FAT1: variants seen among roughly 807,000 people sequenced by gnomAD.
FAT1 encodes protocadherin Fat 1.
Under a neutral mutation model 329.8 loss-of-function variants are expected in FAT1, and 171 were observed. The ratio of observed to expected loss-of-function variants is 0.52; its 90% CI spans 0.46 to 0.59. The LOEUF (loss-of-function observed/expected upper bound fraction) is 0.59, where lower values mean the gene tolerates loss of function less well. Among genes scored for constraint, FAT1 ranks in the 20% least tolerant of loss-of-function variants. The pLI, the probability that FAT1 is intolerant of heterozygous loss-of-function variation, is 0.00. For missense variants in FAT1, 5,672 were observed against 5,774.4 expected (o/e 0.98, Z 0.57); for synonymous variants, 2,233 against 2,228.6 (o/e 1.00, Z -0.06).
chr4:186,667,561 A>C (rs188332738), intron 2 of FAT1, among the ~76,000 whole-genome samples: 1 of 152,210 alleles, frequency 6.6e-6, no homozygotes, highest in Non-Finnish European at 1.5e-5. Context: ...TAAGATAAAA[A>C]ATCACTGAAT....
At chr4:186,634,829 G>A (rs572015287) in intron 6 of FAT1, among the ~76,000 whole-genome samples, 14 of 152,312 alleles carry the variant, frequency 9.2e-5, no homozygotes, top group African/African-American at 2.6e-4. Flanking sequence ...AGAAGCAAGC[G>A]CGCATGGAAA....
chr4:186,652,079 G>A (rs1237583221), intron 3 of FAT1, among the ~76,000 whole-genome samples: 1 of 152,180 alleles, frequency 6.6e-6, no homozygotes, highest in Non-Finnish European at 1.5e-5. Flanking sequence ...AAAGTCACAT[G>A]GGGAGTCATA....
At chr4:186,713,353 T>C (rs1369276487) in intron 1 of FAT1, among the ~76,000 whole-genome samples, 2 of 152,154 alleles carry the variant, frequency 1.3e-5, no homozygotes, top group African/African-American at 2.4e-5. Context: ...GTTTCTCTCC[T>C]GATTAGATTG....
intron 6 of FAT1, among the ~76,000 whole-genome samples, chr4:186,635,506 ACCCATAG>A (rs1304443702): frequency 2.0e-5 from 3 of 152,114 alleles, no homozygotes; most frequent in Admixed American, 6.5e-5. Context: ...AAAACTAAAA[ACCCATAG>A]CTGGTACCAT....
At chr4:186,706,484 A>C in intron 2 of FAT1, 79 bp downstream of exon 2, 1 of 1,443,080 alleles carries the variant, frequency 6.9e-7, no homozygotes. Flanking sequence ...ATTTTGAAGA[A>C]GCTGCCACAG....
At chr4:186,599,838 G>T in intron 22 of FAT1, 60 bp downstream of exon 22, 2 of 1,276,682 alleles carry the variant, frequency 1.6e-6, no homozygotes, top group Non-Finnish European at 2.2e-6. Context: ...TACCTGGGGA[G>T]CTTCCCCTTA....
intron 2 of FAT1, among the ~76,000 whole-genome samples, chr4:186,683,168 AG>A (rs1743304024): frequency 6.6e-6 from 1 of 152,174 alleles, no homozygotes; most frequent in African/African-American, 2.4e-5. Flanking sequence ...CTTGTCATTC[AG>A]GTGACCACTC....
In FAT1 at chr4:186,632,468, A is replaced by G. The variant is rs187993901; in HGVS notation, c.4323+1216T>C. ...TCTCATTTTTGTGCTCTAAAATTTT[A>G]CAAGGGCTTATGTTTAAAGAGAGAA... On this transcript the variant is annotated intron_variant, in intron 7 of 26. Transcript: ENST00000441802. 2.3e-4 allele frequency among the ~76,000 whole-genome samples: 35 copies of G among 152,298 alleles called. No individual in the cohort carries two copies. The East Asian group carries it at 6.2e-3, about 27-fold the overall frequency.
chr4:186,635,291 CTAAAA>C (rs1243808770), intron 6 of FAT1, among the ~76,000 whole-genome samples: 1 of 130,630 alleles, frequency 7.7e-6, no homozygotes, highest in African/African-American at 3.2e-5. Context: ...ACCCTTGTAA[CTAAAA>C]TGTGAGGAAA....
intron 2 of FAT1, among the ~76,000 whole-genome samples, chr4:186,679,687 T>C (rs1743124644): frequency 6.6e-6 from 1 of 151,988 alleles, no homozygotes; most frequent in East Asian, 1.9e-4. Context: ...CAGTATCAGA[T>C]ATATGGGTTC....
In FAT1 at chr4:186,613,274, T is replaced by C. The variant is rs201597725; in HGVS notation, c.9298A>G (p.Thr3100Ala). Residue 3100 changes from threonine to alanine, a missense_variant, in exon 13 of 27, where the codon ACA becomes GCA. By Grantham distance (58) the Thr-to-Ala change is moderately conservative. Transcript: ENST00000441802. The stretch of plus-strand genomic sequence containing the variant: ...TGGCAGAATCTTCCTCCTCCATCTG[T>C]GGCCCTGACGAGAAGATGATAAACA... ...QAVYHLLVRA[T>A]DGGGRFCQAS... The C allele has an allele frequency of 6.2e-7, 1 of 1,614,022 alleles. No individual in the cohort carries two copies. The highest frequency in any genetic ancestry group is 1.3e-5 in the African/African-American group (1 of 75,064).
intron 7 of FAT1, among the ~76,000 whole-genome samples, chr4:186,631,058 AC>A (rs1301651068): frequency 6.6e-6 from 1 of 151,992 alleles, no homozygotes; most frequent in East Asian, 1.9e-4. Context: ...CCTGCCGCCT[AC>A]CTCTGCTGGA....
intron 2 of FAT1, among the ~76,000 whole-genome samples, chr4:186,691,094 G>A (rs1743738164): frequency 6.6e-6 from 1 of 152,122 alleles, no homozygotes; most frequent in African/African-American, 2.4e-5. Flanking sequence ...GTAAAAAGTG[G>A]CAGAATTTGC....
rs1420593491 is a variant in FAT1, at chr4:186,596,097, C to T, written c.13001-271G>A. 6.6e-6 allele frequency among the ~76,000 whole-genome samples: 1 copy of T among 151,896 alleles called. No individual in the cohort carries two copies. The highest frequency in any genetic ancestry group is 1.5e-5 in the Non-Finnish European group (1 of 68,008). On this transcript the variant is annotated intron_variant, in intron 25 of 26. Transcript: ENST00000441802. The surrounding 1 kb of genome is among the most constrained non-coding windows in gnomAD (Gnocchi z 4.7). Reference sequence around the variant, plus strand: ...GGGTATCATTAGACAGTAAAGGCTGCTAAAATTTTGTTTTAAAATAGTATG... The same window carrying T: ...GGGTATCATTAGACAGTAAAGGCTGTTAAAATTTTGTTTTAAAATAGTATG...
intron 4 of FAT1, among the ~76,000 whole-genome samples, chr4:186,637,376 A>T (rs753632041): frequency 2.6e-5 from 4 of 152,230 alleles, no homozygotes; most frequent in Non-Finnish European, 5.9e-5. Context: ...GTTAAACTTC[A>T]TCAGTAAAAT....
At chr4:186,633,160 T>G (rs1306836964) in intron 7 of FAT1, among the ~76,000 whole-genome samples, 1 of 152,126 alleles carries the variant, frequency 6.6e-6, no homozygotes, top group African/African-American at 2.4e-5. Flanking sequence ...TAAATTTCAC[T>G]TACAGGATTT....
rs374566985 is a variant in FAT1 at position 186,609,801 on chromosome 4, C to T, written c.10068G>A (p.Thr3356=). ...EDAVLEQSVI[T]VMADDADGPS... is the part of the protein sequence containing the mutation. Reference sequence around the variant, plus strand: ...ACTGTAATGGGGAAAAAATACACACCGTGATGACAGACTGCTCAAGAACGG... The same window carrying T: ...ACTGTAATGGGGAAAAAATACACACTGTGATGACAGACTGCTCAAGAACGG... The change falls in exon 15 of 27, where the codon ACG becomes ACA. Residue 3356 remains threonine, a splice_region_variant and synonymous_variant. Coordinates refer to ENST00000441802, the MANE Select transcript of FAT1 (RefSeq NM_005245.4). The T allele has an allele frequency of 1.6e-5, 25 of 1,606,532 alleles. No homozygotes were observed. In the African/African-American group the frequency reaches 2.1e-4, roughly 14 times the overall value.
intron 2 of FAT1, among the ~76,000 whole-genome samples, chr4:186,683,050 G>C (rs1055432647): frequency 6.6e-6 from 1 of 152,120 alleles, no homozygotes; most frequent in Non-Finnish European, 1.5e-5. Context: ...TCCTGGCCAC[G>C]CACCTACCTT....
chr4:186,590,465 G>T, intron 26 of FAT1: 1 of 1,149,522 alleles, frequency 8.7e-7, no homozygotes, highest in Middle Eastern at 2.3e-4. Flanking sequence ...GGCTGAAAAG[G>T]CAATAAAGGT....
Sources: gnomAD v4.1 joint callset for allele counts (sites outside exome capture counted in the v4.1 genomes callset) on GRCh38, gnomAD v4.1.1 for gene constraint, Gnocchi (gnomAD v3.1) non-coding constraint, MANE v1.5 for transcripts, NCBI Gene and HGNC (gene_info 2026-07-23, HGNC 2026-07-21) for gene names.